The following GRIN2B variants were observed in gnomAD, a reference collection of about 807,000 sequenced individuals.
GRIN2B encodes glutamate ionotropic receptor NMDA type subunit 2B, also known as glutamate receptor ionotropic, NMDA 2B.
A neutral mutation model predicts 114.5 loss-of-function variants in GRIN2B; 5 were observed. The observed-to-expected ratio is 0.04, with a 90% CI of 0.02 to 0.09. GRIN2B has a LOEUF of 0.09. Ranked by LOEUF, GRIN2B falls within the 10% of genes least tolerant of loss-of-function variation. GRIN2B has a pLI of 1.00. For synonymous variants in GRIN2B, 787 were observed against 745.1 expected (o/e 1.06, Z -0.92); for missense variants, 1,108 against 1,943.5 (o/e 0.57, Z 8.08).
intron 5 of GRIN2B, among the ~76,000 whole-genome samples, chr12:13,670,072 C>T (rs1046267115): frequency 2.6e-5 from 4 of 152,058 alleles, no homozygotes; most frequent in African/African-American, 7.2e-5. Flanking sequence ...GGTTGCACTC[C>T]TTCCCTCCAG....
Position 13,767,808 on chromosome 12 carries a change from A to C in GRIN2B, c.412-13893T>G, listed in dbSNP as rs1156799898. On this transcript the variant is annotated intron_variant, in intron 3 of 13. Transcript: ENST00000609686. ...TCCATGAAGGTGCACAGGTTATCAAAATTTTCATAAGAGTCCCCAAAAGAC... is the reference window on the plus strand; with the variant it reads ...TCCATGAAGGTGCACAGGTTATCAACATTTTCATAAGAGTCCCCAAAAGAC... Among the ~76,000 whole-genome samples the C allele has an allele frequency of 2.0e-5, 3 of 152,192 alleles. No individual in the cohort carries two copies. The East Asian group carries it at 5.8e-4, about 29-fold the overall frequency.
In GRIN2B at chr12:13,564,233, C is replaced by T; in HGVS notation, c.3005G>A (p.Gly1002Glu). The change falls in exon 14 of 14, where the codon GGG (glycine) becomes GAG (glutamate). Residue 1002 changes from glycine to glutamate, a missense_variant. By Grantham distance (98) the Gly-to-Glu change is moderately conservative. Around this residue, in one of 19 missense-constraint regions of GRIN2B, gnomAD observed 140 missense variants for 187.5 expected, o/e 0.75. Transcript: ENST00000609686. This position sits in a 1 kb window ranked among gnomAD's most constrained non-coding sequence, Gnocchi z 4.8. ...GGGTGGGTTGTCACAGTCGTAGAGCCCATCGATGGAGCTGGCACTGCCAAT... is the reference window on the plus strand; with the variant it reads ...GGGTGGGTTGTCACAGTCGTAGAGCTCATCGATGGAGCTGGCACTGCCAAT... ...HSIGSASSID[G>E]LYDCDNPPFT... 1 of 1,614,122 alleles carries T rather than the reference C, an allele frequency of 6.2e-7. No homozygotes were observed. The highest frequency in any genetic ancestry group is 2.2e-5 in the East Asian group (1 of 44,856).
At chr12:13,966,926 C>G (rs4763361) in intron 2 of GRIN2B, among the ~76,000 whole-genome samples, 139,532 of 152,196 alleles carry the variant, frequency 0.92, 64,830 homozygotes, top group Non-Finnish European at 0.99. Context: ...AACCCTGGCA[C>G]TATGACTCCT....
At chr12:13,919,340 C>T (rs1866786113) in intron 2 of GRIN2B, among the ~76,000 whole-genome samples, 1 of 152,282 alleles carries the variant, frequency 6.6e-6, no homozygotes, top group Non-Finnish European at 1.5e-5. Flanking sequence ...TTAAAAACTC[C>T]TATTCTTCAA....
chr12:13,769,885 C>G (rs563113987), intron 3 of GRIN2B, among the ~76,000 whole-genome samples: 12 of 152,224 alleles, frequency 7.9e-5, no homozygotes, highest in Admixed American at 5.9e-4. Context: ...GGGACTCACA[C>G]AAACCTCCAT....
intron 5 of GRIN2B, among the ~76,000 whole-genome samples, chr12:13,662,666 C>G (rs1018335703): frequency 2.6e-5 from 4 of 152,140 alleles, no homozygotes; most frequent in African/African-American, 9.7e-5. Context: ...GTGCCCAGCC[C>G]TTAGTAGGGG....
intron 3 of GRIN2B, among the ~76,000 whole-genome samples, chr12:13,798,024 T>A (rs1864445853): frequency 6.6e-6 from 1 of 152,232 alleles, no homozygotes; most frequent in South Asian, 2.1e-4. Context: ...ACAACTATGA[T>A]TCTGAAGCCT....
At chr12:13,687,631 G>A (rs764523920) in intron 4 of GRIN2B, among the ~76,000 whole-genome samples, 17 of 152,184 alleles carry the variant, frequency 1.1e-4, no homozygotes, top group Non-Finnish European at 2.1e-4. Context: ...AGGTTCCCCT[G>A]TGTCTTTAGA....
intron 5 of GRIN2B, among the ~76,000 whole-genome samples, chr12:13,665,166 TTTGTG>T (rs1949962288): frequency 0.027 from 697 of 26,006 alleles, 5 homozygotes; most frequent in African/African-American, 0.049. Context: ...TGTGTGTGTG[TTTGTG>T]TGTGTGTGTG....
At chr12:13,797,591 G>T (rs1864438681) in intron 3 of GRIN2B, among the ~76,000 whole-genome samples, 2 of 152,244 alleles carry the variant, frequency 1.3e-5, no homozygotes, top group South Asian at 4.2e-4. Flanking sequence ...CATGCAAATA[G>T]GTAGGAAACT....
chr12:13,915,691 C>T (rs1866705289), intron 2 of GRIN2B, among the ~76,000 whole-genome samples: 1 of 152,156 alleles, frequency 6.6e-6, no homozygotes. Flanking sequence ...TAAATAGCCA[C>T]ATAAGACCAG....
intron 3 of GRIN2B, among the ~76,000 whole-genome samples, chr12:13,848,358 G>A (rs1423262843): frequency 2.0e-5 from 3 of 152,090 alleles, no homozygotes; most frequent in Admixed American, 6.5e-5. Context: ...GCCACGTGGA[G>A]GACAGACCCA....
chr12:13,834,903 G>C (rs867194325), intron 3 of GRIN2B, among the ~76,000 whole-genome samples: 1 of 152,090 alleles, frequency 6.6e-6, no homozygotes, highest in African/African-American at 2.4e-5. Flanking sequence ...TTATGGGAGC[G>C]ACCCAGGCAT....
At chr12:13,665,167 T>TTGTGTG (rs3081936) in intron 5 of GRIN2B, among the ~76,000 whole-genome samples, 1 of 149,694 alleles carries the variant, frequency 6.7e-6, no homozygotes, top group African/African-American at 2.5e-5. Context: ...GTGTGTGTGT[T>TTGTGTG]TGTGTGTGTG....
chr12:13,980,771 T>G (rs1283375224), intron 1 of GRIN2B, among the ~76,000 whole-genome samples: 1 of 152,182 alleles, frequency 6.6e-6, no homozygotes, highest in Non-Finnish European at 1.5e-5. Flanking sequence ...TGCTGCTGAC[T>G]TGTCTCGCTC....
intron 4 of GRIN2B, among the ~76,000 whole-genome samples, chr12:13,714,058 A>C (rs896598495): frequency 6.6e-6 from 1 of 151,868 alleles, no homozygotes; most frequent in African/African-American, 2.4e-5. Context: ...GAAATTAAAT[A>C]GATTTCTAAA....
At chr12:13,852,536 G>A (rs1422366580) in intron 3 of GRIN2B, among the ~76,000 whole-genome samples, 1 of 151,996 alleles carries the variant, frequency 6.6e-6, no homozygotes, top group African/African-American at 2.4e-5. Context: ...TCTTTTAAGA[G>A]GAATTTGTCT....
intron 2 of GRIN2B, among the ~76,000 whole-genome samples, chr12:13,975,235 C>G (rs1354505953): frequency 6.6e-6 from 1 of 152,108 alleles, no homozygotes; most frequent in African/African-American, 2.4e-5. Flanking sequence ...GGTCCAGCAA[C>G]TCTGGCGTCA....
intron 4 of GRIN2B, among the ~76,000 whole-genome samples, chr12:13,736,963 G>A (rs1303919478): frequency 2.0e-5 from 3 of 148,644 alleles, no homozygotes; most frequent in Non-Finnish European, 3.0e-5. Flanking sequence ...CTGGGAGGCA[G>A]AGGTTACAAT....
Sources: allele counts gnomAD v4.1 joint callset (sites outside exome capture counted in the v4.1 genomes callset), GRCh38; gene constraint gnomAD v4.1.1; regional missense constraint gnomAD v4.1.1; non-coding constraint Gnocchi (gnomAD v3.1); transcripts MANE v1.5; gene names NCBI Gene and HGNC (gene_info 2026-07-23, HGNC 2026-07-21).